Variants in PI4KB observed in about 807,000 individuals in gnomAD.
PI4KB encodes the protein PtdIns 4-kinase beta.
In PI4KB, 23 loss-of-function variants were observed where a neutral mutation model predicts 81.4. The ratio of observed to expected loss-of-function variants is 0.28; its 90% confidence interval spans 0.20 to 0.40. The LOEUF (loss-of-function observed/expected upper bound fraction) is 0.40, where lower values mean the gene tolerates loss of function less well. PI4KB is among the 10% of genes least tolerant of loss of function. The pLI is 1.00. For missense variants in PI4KB, 651 were observed against 1,036.6 expected, an observed-to-expected ratio of 0.63 and a Z score of 5.11; for synonymous variants, 381 against 406.8, an observed-to-expected ratio of 0.94 and a Z score of 0.76.
chr1:151,327,134 C>G, intron 1 of PI4KB, 137 bp downstream of exon 1: 1 of 393,560 alleles, frequency 2.5e-6, no homozygotes, highest in East Asian at 3.6e-5. Flanking sequence ...GAGAAGGAAC[C>G]CGGGGTGCAG....
rs1694998029 is a variant in PI4KB at position 151,298,634 on chromosome 1, T to C, written c.2015+174A>G. On this transcript the variant is annotated intron_variant, in intron 9 of 11. Transcript: ENST00000368873. The stretch of plus-strand genomic sequence containing the variant: ...CTTTGCCCTTTTACCCTAGTTCTTA[T>C]TAGTCTGCCTCCTGACTTAATGTCA... 3 of 733,922 alleles carry C rather than the reference T, an allele frequency of 4.1e-6. No homozygotes were observed. The African/African-American group carries it at 5.3e-5, about 13-fold the overall frequency. 45.5% of individuals were successfully genotyped at this position (733,922 alleles called of 1,614,324 possible).
chr1:151,322,805 T>C (rs772628819), intron 1 of PI4KB, among the ~76,000 whole-genome samples: 3 of 152,142 alleles, frequency 2.0e-5, no homozygotes, highest in Non-Finnish European at 4.4e-5. Flanking sequence ...GGTGGAATCA[T>C]GGCTCACTAT....
intron 4 of PI4KB, among the ~76,000 whole-genome samples, chr1:151,306,931 C>T (rs1188616290): frequency 6.6e-6 from 1 of 152,230 alleles, no homozygotes; most frequent in East Asian, 1.9e-4. Context: ...AAAAATTAGC[C>T]GGGTGTGGTG....
chr1:151,314,465 A>T (rs1047487545), intron 2 of PI4KB, among the ~76,000 whole-genome samples: 1 of 152,134 alleles, frequency 6.6e-6, no homozygotes, highest in Non-Finnish European at 1.5e-5. Context: ...GGTATAACCT[A>T]TTCATGTGGC....
rs891334249 is a variant in PI4KB, at chr1:151,321,646, G to A, written c.-28-5137C>T. ...CCCAGCACTTTGGGAGGCTGAGGAG[G>A]GCAGATCACGAGGTCAGGAGATGGA... is the stretch of plus-strand genomic sequence containing the variant. On this transcript the variant is annotated intron_variant, in intron 1 of 11. Transcript: ENST00000368873. 3.9e-5 allele frequency among the ~76,000 whole-genome samples: 6 copies of A among 151,968 alleles called. 1 individual carries two copies. The highest frequency in any genetic ancestry group is 1.4e-4 in the African/African-American group (6 of 41,410).
intron 1 of PI4KB, among the ~76,000 whole-genome samples, chr1:151,323,675 G>C (rs1434179466): frequency 6.6e-6 from 1 of 152,188 alleles, no homozygotes; most frequent in African/African-American, 2.4e-5. Flanking sequence ...AGTGAGCCGA[G>C]ATCGTGCCAC....
intron 1 of PI4KB, among the ~76,000 whole-genome samples, chr1:151,324,317 A>C (rs1417392151): frequency 6.6e-6 from 1 of 152,186 alleles, no homozygotes; most frequent in Non-Finnish European, 1.5e-5. Context: ...ATCATCTTTG[A>C]CTGCCTGTTC....
At chr1:151,294,179 C>A (rs1478797684) in intron 10 of PI4KB, 41 bp from the exon 11 acceptor site, 3 of 1,592,256 alleles carry the variant, frequency 1.9e-6, no homozygotes, top group Non-Finnish European at 1.7e-6. Flanking sequence ...AGGGGTCTTA[C>A]ACCGGGGATG....
intron 6 of PI4KB, among the ~76,000 whole-genome samples, chr1:151,302,815 C>A (rs1218734586): frequency 6.6e-6 from 1 of 151,202 alleles, no homozygotes; most frequent in Non-Finnish European, 1.5e-5. Flanking sequence ...GATCTCCTGA[C>A]CTTATGATCT....
At chr1:151,295,623 T>G (rs913683728) in intron 9 of PI4KB, among the ~76,000 whole-genome samples, 1 of 152,248 alleles carries the variant, frequency 6.6e-6, no homozygotes, top group East Asian at 1.9e-4. Context: ...TCCTAAAACC[T>G]GACTCCAGTA....
chr1:151,306,821 A>G (rs1304840797), intron 4 of PI4KB, among the ~76,000 whole-genome samples: 2 of 152,220 alleles, frequency 1.3e-5, no homozygotes, highest in Non-Finnish European at 2.9e-5. Flanking sequence ...TCACGCCTGT[A>G]ATCCTAGCAC....
At chr1:151,296,471 T>A (rs1437485740) in intron 9 of PI4KB, among the ~76,000 whole-genome samples, 1 of 150,254 alleles carries the variant, frequency 6.7e-6, no homozygotes, top group African/African-American at 2.5e-5. Context: ...AGATGCTAGA[T>A]TTCTTTTTTT....
At chr1:151,310,178 C>G in intron 3 of PI4KB, 33 bp downstream of exon 3, 1 of 1,557,422 alleles carries the variant, frequency 6.4e-7, no homozygotes, top group Non-Finnish European at 8.8e-7. Context: ...ACTGGGGGAG[C>G]CTGCCACCCC....
At chr1:151,311,031 T>C (rs1481206898) in intron 2 of PI4KB, among the ~76,000 whole-genome samples, 1 of 152,226 alleles carries the variant, frequency 6.6e-6, no homozygotes, top group African/African-American at 2.4e-5. Context: ...GAAAGCTGAC[T>C]AGCTGGATAG....
intron 1 of PI4KB, among the ~76,000 whole-genome samples, chr1:151,319,851 TAG>T (rs930607474): frequency 6.6e-6 from 1 of 152,214 alleles, no homozygotes; most frequent in Non-Finnish European, 1.5e-5. Flanking sequence ...AAAGATTTTG[TAG>T]AGTTGGAATA....
intron 9 of PI4KB, among the ~76,000 whole-genome samples, chr1:151,297,656 C>A (rs1352669959): frequency 1.3e-5 from 2 of 151,988 alleles, no homozygotes; most frequent in African/African-American, 4.8e-5. Context: ...TCCTGCTCAG[C>A]CTCCCAAATA....
intron 1 of PI4KB, 149 bp downstream of exon 1, chr1:151,327,122 T>G: frequency 2.6e-6 from 1 of 387,784 alleles, no homozygotes. Context: ...GAGGAAAGGG[T>G]GGAGAAGGAA....
intron 1 of PI4KB, chr1:151,326,351 C>T (rs3887132): frequency 1.6e-6 from 1 of 609,448 alleles, no homozygotes; most frequent in South Asian, 2.0e-5. Flanking sequence ...CATTTTTCTT[C>T]TTAGTTCAAG....
intron 8 of PI4KB, among the ~76,000 whole-genome samples, chr1:151,299,605 G>A (rs7515132): frequency 5.2e-4 from 79 of 152,106 alleles, no homozygotes; most frequent in African/African-American, 1.9e-3. Context: ...CAGGAGAATC[G>A]CTTGAACCCA....
Sources: gnomAD v4.1 joint callset for allele counts (sites outside exome capture counted in the v4.1 genomes callset) on GRCh38, gnomAD v4.1.1 for gene constraint, MANE v1.5 for transcripts, NCBI Gene and HGNC (gene_info 2026-07-23, HGNC 2026-07-21) for gene names.